Variants in ERG observed in about 807,000 individuals in gnomAD.
ERG encodes transcriptional regulator ERG.
In ERG, 9 loss-of-function variants were observed where a neutral mutation model predicts 55.3. The observed-to-expected ratio is 0.16, with a 90% CI of 0.10 to 0.28. The LOEUF is 0.28. ERG is among the 10% of genes least tolerant of loss of function. The pLI is 1.00. For missense variants in ERG, 434 were observed against 631.6 expected (o/e 0.69, Z 3.35); for synonymous variants, 223 against 237.3 (o/e 0.94, Z 0.55).
chr21:38,406,185 C>T lies in ERG; in HGVS notation c.389-2476G>A, dbSNP rs949108258. On this transcript the variant is annotated intron_variant, in intron 3 of 9. Coordinates refer to ENST00000288319, the MANE Select transcript of ERG (RefSeq NM_182918.4). ...AAAAAAAAAAAAAAAATCATCAGTG[C>T]GCAGAACCTGAAAACTAAAGGGAAC... 2.8e-4 allele frequency among the ~76,000 whole-genome samples: 33 copies of T among 115,814 alleles called. 1 individual carries two copies. Among genetic ancestry groups the T allele is most frequent in the Admixed American group, 2.7e-3 (29 of 10,654 alleles). The allele number at this position is 115,814 out of a possible 152,430, so 76.0% of individuals were successfully genotyped here. A position where few individuals can be genotyped will look rare whatever the true frequency, so the allele number is the denominator to read the frequency against.
In ERG at chr21:38,447,157, T is replaced by C. The variant is rs540276985; in HGVS notation, c.19-1536A>G. On this transcript the variant is annotated intron_variant, in intron 1 of 9. Transcript: ENST00000288319. ...TCCACCTGTCCCAGGACCAAGTTTT[T>C]TCCTTAGCTTCCCAAGTGCACAAAC... Among the ~76,000 whole-genome samples, 289 of 152,058 alleles carry C rather than the reference T, an allele frequency of 1.9e-3. 3 individuals are homozygous for C. The highest frequency in any genetic ancestry group is 2.5e-3 in the Non-Finnish European group (170 of 67,980).
chr21:38,386,377 A>T (rs1310383322), intron 9 of ERG, among the ~76,000 whole-genome samples: 2 of 152,244 alleles, frequency 1.3e-5, no homozygotes, highest in Non-Finnish European at 2.9e-5. Flanking sequence ...ACATCATGTC[A>T]AACTCATTAA....
intron 1 of ERG, among the ~76,000 whole-genome samples, chr21:38,446,962 C>T (rs564807688): frequency 2.0e-5 from 3 of 152,116 alleles, no homozygotes; most frequent in African/African-American, 4.8e-5. Context: ...AAATTAGCAC[C>T]CTCTTCCCCT....
the ERG span, among the ~76,000 whole-genome samples, chr21:38,372,770 G>T: frequency 4.0e-5 from 6 of 150,208 alleles, no homozygotes; most frequent in Non-Finnish European, 7.4e-5. Context: ...TTTTTTAGTT[G>T]TTGGGAGCAG....
intron 1 of ERG, among the ~76,000 whole-genome samples, chr21:38,643,223 G>T (rs1185527588): frequency 6.6e-6 from 1 of 152,210 alleles, no homozygotes; most frequent in Admixed American, 6.5e-5. Context: ...CAGCCTGGTA[G>T]CAATCAGGCA....
chr21:38,506,091 A>T (rs1287636228), intron 2 of ERG, among the ~76,000 whole-genome samples: 1 of 152,170 alleles, frequency 6.6e-6, no homozygotes, highest in Non-Finnish European at 1.5e-5. Context: ...AGGAGCAAAC[A>T]TGAATTACAC....
chr21:38,532,491 C>G (rs2059679845), intron 2 of ERG, among the ~76,000 whole-genome samples: 1 of 152,156 alleles, frequency 6.6e-6, no homozygotes, highest in Admixed American at 6.5e-5. Flanking sequence ...TAAAGCAATT[C>G]TAGTTTGGAA....
At chr21:38,637,853 G>C (rs531956924) in intron 1 of ERG, among the ~76,000 whole-genome samples, 216 of 152,120 alleles carry the variant, frequency 1.4e-3, no homozygotes, top group African/African-American at 5.1e-3. Context: ...GTGTATGTAT[G>C]CAAGTGTGTG....
intron 1 of ERG, among the ~76,000 whole-genome samples, chr21:38,613,504 A>C (rs2060240732): frequency 6.6e-6 from 1 of 152,222 alleles, no homozygotes; most frequent in Non-Finnish European, 1.5e-5. Context: ...TTTTCATGAG[A>C]ACATAAGGGC....
chr21:38,422,367 A>G (rs994836364), intron 3 of ERG, among the ~76,000 whole-genome samples: 6 of 152,284 alleles, frequency 3.9e-5, no homozygotes, highest in Non-Finnish European at 7.3e-5. Flanking sequence ...ACAGGCAGAG[A>G]CTAAAGGAGT....
At chr21:38,626,370 G>A (rs2060324928) in intron 1 of ERG, among the ~76,000 whole-genome samples, 1 of 152,208 alleles carries the variant, frequency 6.6e-6, no homozygotes, top group African/African-American at 2.4e-5. Flanking sequence ...GACTGACCAT[G>A]ATGAGAGAAG....
At position 38,391,642 on chromosome 21, in the gene ERG, C is replaced by G. The variant is rs192172177; in HGVS notation, c.871+17G>C. On this transcript the variant is annotated intron_variant, in intron 8 of 9. Transcript: ENST00000288319. ...GAATCTTCTCTTATGGTTATCCAGA[C>G]GGCCCCTGAAACATACCTAACTGAG... 1 of 1,602,992 alleles carries G rather than the reference C, an allele frequency of 6.2e-7. No homozygotes were observed. Among genetic ancestry groups the G allele is most frequent in the Non-Finnish European group, 8.5e-7 (1 of 1,172,946 alleles).
At chr21:38,368,372 G>A in the ERG span, among the ~76,000 whole-genome samples, 1 of 143,750 alleles carries the variant, frequency 7.0e-6, no homozygotes, top group African/African-American at 2.6e-5. Context: ...CCCCTTTGGT[G>A]CGACAGTGAG....
At chr21:38,506,994 T>C (rs2059466210) in intron 2 of ERG, among the ~76,000 whole-genome samples, 1 of 152,110 alleles carries the variant, frequency 6.6e-6, no homozygotes, top group African/African-American at 2.4e-5. Flanking sequence ...TGAGAGGCAT[T>C]GCAAACTAGA....
At chr21:38,614,637 G>C (rs943363661) in intron 1 of ERG, among the ~76,000 whole-genome samples, 1 of 152,200 alleles carries the variant, frequency 6.6e-6, no homozygotes, top group African/African-American at 2.4e-5. Context: ...GGCTAGAAGG[G>C]GACTGGGTTG....
intron 2 of ERG, among the ~76,000 whole-genome samples, chr21:38,523,741 C>T (rs1228238151): frequency 2.0e-5 from 3 of 152,180 alleles, no homozygotes; most frequent in Non-Finnish European, 2.9e-5. Context: ...CAGAAAGAAC[C>T]TGGATCTGGT....
In ERG at chr21:38,380,745, C is replaced by A; in HGVS notation, c.*2658G>T. 25 of 1,065,064 alleles carry A rather than the reference C, an allele frequency of 2.3e-5. No homozygotes were observed. Among genetic ancestry groups the A allele is most frequent in the Non-Finnish European group, 2.8e-5 (25 of 879,200 alleles). The allele number at this position is 1,065,064 out of a possible 1,614,324, so 66.0% of individuals were successfully genotyped here. ...AGTTGCTCATAAGACTTGCTAATAA[C>A]CTGGACTGGGGGTGGAGGGTTGAGG... On this transcript the variant is annotated 3_prime_UTR_variant, in exon 10 of 10. Coordinates refer to ENST00000288319, the MANE Select transcript of ERG (RefSeq NM_182918.4).
At chr21:38,389,704 T>C (rs548843448) in intron 9 of ERG, among the ~76,000 whole-genome samples, 1 of 151,508 alleles carries the variant, frequency 6.6e-6, no homozygotes, top group East Asian at 1.9e-4. Flanking sequence ...TGTAACTACC[T>C]GTGTCCATCT....
chr21:38,633,901 T>C (rs2060372267), intron 1 of ERG, among the ~76,000 whole-genome samples: 1 of 151,352 alleles, frequency 6.6e-6, no homozygotes, highest in Non-Finnish European at 1.5e-5. Flanking sequence ...ATCAGGTTGT[T>C]TCCAAAGGCA....
Sources: allele counts gnomAD v4.1 joint callset (sites outside exome capture counted in the v4.1 genomes callset), GRCh38; gene constraint gnomAD v4.1.1; transcripts MANE v1.5; gene names NCBI Gene and HGNC (gene_info 2026-07-23, HGNC 2026-07-21).